The following INPP4B variants were observed in gnomAD, a reference collection of about 807,000 sequenced individuals.
INPP4B encodes the protein inositol polyphosphate 4-phosphatase type II.
Under a neutral mutation model 122.5 loss-of-function variants are expected in INPP4B, and 55 were observed. The observed-to-expected ratio is 0.45, with a 90% CI of 0.36 to 0.56. INPP4B has a LOEUF of 0.56. Ranked by LOEUF, INPP4B falls within the 20% of genes least tolerant of loss-of-function variation. The probability of loss-of-function intolerance (pLI) is 0.00; values close to 1 mark genes in which losing one functional copy is unlikely to be tolerated. For missense variants in INPP4B, 1,000 were observed against 1,097.7 expected (o/e 0.91, Z 1.26); for synonymous variants, 403 against 388.7 (o/e 1.04, Z -0.43).
chr4:142,048,940 G>T (rs1395641259), intron 25 of INPP4B, among the ~76,000 whole-genome samples: 2 of 151,808 alleles, frequency 1.3e-5, no homozygotes, highest in Non-Finnish European at 2.9e-5. Context: ...CACATCGAGG[G>T]GGAAGAAATG....
chr4:142,367,740 T>C (rs13144939), intron 7 of INPP4B, among the ~76,000 whole-genome samples: 45,360 of 152,094 alleles, frequency 0.3, 8,476 homozygotes, highest in South Asian at 0.46. Flanking sequence ...TTGAGAATTG[T>C]GCCAGGTTCA....
chr4:142,666,366 A>G (rs1453251274), intron 2 of INPP4B, among the ~76,000 whole-genome samples: 1 of 152,182 alleles, frequency 6.6e-6, no homozygotes, highest in Non-Finnish European at 1.5e-5. Context: ...AAGCTTAAAA[A>G]TACAAAGATA....
At chr4:142,098,413 C>A (rs1289424091) in intron 23 of INPP4B, among the ~76,000 whole-genome samples, 3 of 151,958 alleles carry the variant, frequency 2.0e-5, no homozygotes, top group Admixed American at 6.6e-5. Context: ...TTAGGAGACA[C>A]ATAATGAGAC....
chr4:142,052,705 G>A (rs1308680326), intron 25 of INPP4B, among the ~76,000 whole-genome samples: 1 of 151,964 alleles, frequency 6.6e-6, no homozygotes, highest in African/African-American at 2.4e-5. Flanking sequence ...ACAGTAGCAG[G>A]ACACACTGGG....
At chr4:142,794,194 A>C (rs909668975) in intron 1 of INPP4B, among the ~76,000 whole-genome samples, 2 of 152,050 alleles carry the variant, frequency 1.3e-5, no homozygotes, top group Non-Finnish European at 2.9e-5. Flanking sequence ...AAAGAAAAAC[A>C]AGGTAGGAGG....
chr4:142,042,574 T>G (rs911550018), intron 25 of INPP4B, among the ~76,000 whole-genome samples: 83 of 144,562 alleles, frequency 5.7e-4, no homozygotes, highest in Non-Finnish European at 7.8e-4. Context: ...ATTTATTTAT[T>G]TATTTTTAGA....
intron 25 of INPP4B, among the ~76,000 whole-genome samples, chr4:142,035,313 A>G (rs1161012078): frequency 1.3e-5 from 2 of 152,094 alleles, no homozygotes; most frequent in Admixed American, 6.6e-5. Context: ...GATCGTCCCA[A>G]CGTAGGTGCA....
At chr4:142,263,026 GGTCACTT>G (rs1740828562) in intron 10 of INPP4B, among the ~76,000 whole-genome samples, 2 of 152,100 alleles carry the variant, frequency 1.3e-5, no homozygotes, top group African/African-American at 4.8e-5. Context: ...CAGTCCCTTT[GGTCACTT>G]GTGCTACGCT....
At chr4:142,817,578 G>A (rs1187544365) in intron 1 of INPP4B, among the ~76,000 whole-genome samples, 1 of 152,098 alleles carries the variant, frequency 6.6e-6, no homozygotes, top group African/African-American at 2.4e-5. Context: ...TGACGATAAT[G>A]CCTTGGCCAC....
chr4:142,532,550 T>G (rs539629102), intron 2 of INPP4B, among the ~76,000 whole-genome samples: 4 of 152,170 alleles, frequency 2.6e-5, no homozygotes, highest in African/African-American at 9.6e-5. Context: ...GTGTGATTAT[T>G]TGAGTAATGG....
intron 11 of INPP4B, among the ~76,000 whole-genome samples, chr4:142,243,035 G>C (rs1001647950): frequency 6.6e-6 from 1 of 152,160 alleles, no homozygotes; most frequent in Non-Finnish European, 1.5e-5. Flanking sequence ...CCCATGAAGA[G>C]AGCAGGTACA....
intron 1 of INPP4B, among the ~76,000 whole-genome samples, chr4:142,741,859 G>A (rs924590385): frequency 2.0e-5 from 3 of 151,842 alleles, no homozygotes; most frequent in Non-Finnish European, 4.4e-5. Context: ...CCTAGGTCAT[G>A]GCAAGGGAAT....
intron 2 of INPP4B, among the ~76,000 whole-genome samples, chr4:142,650,930 A>T (rs1289176147): frequency 1.3e-5 from 2 of 152,206 alleles, no homozygotes; most frequent in East Asian, 3.9e-4. Flanking sequence ...TCTTCTCAGC[A>T]CCACATCACA....
chr4:142,628,097 A>G (rs1009832352), intron 2 of INPP4B, among the ~76,000 whole-genome samples: 9 of 151,786 alleles, frequency 5.9e-5, no homozygotes, highest in African/African-American at 2.2e-4. Flanking sequence ...TGCTGCTATA[A>G]AGACACATGC....
At chr4:142,054,362 G>A (rs1382034563) in intron 25 of INPP4B, among the ~76,000 whole-genome samples, 2 of 151,742 alleles carry the variant, frequency 1.3e-5, no homozygotes, top group Non-Finnish European at 2.9e-5. Context: ...GCTGCTGCAA[G>A]TTCAAGTTCA....
chr4:142,061,744 C>T (rs1286967581), intron 25 of INPP4B, among the ~76,000 whole-genome samples: 1 of 150,902 alleles, frequency 6.6e-6, no homozygotes, highest in East Asian at 1.9e-4. Flanking sequence ...AAGCAAAAAG[C>T]ATTTAAAGAA....
chr4:142,024,885 A>G lies in INPP4B; in HGVS notation c.*3897T>C, dbSNP rs1736552973. ...AAGAATTCTCTGGCAAAGCATTATCAGGAGAAAAGGTGATTTAATAATTTA... is the reference window on the plus strand; with the variant it reads ...AAGAATTCTCTGGCAAAGCATTATCGGGAGAAAAGGTGATTTAATAATTTA... On this transcript the variant is annotated 3_prime_UTR_variant, in exon 26 of 26. Coordinates refer to ENST00000262992, the MANE Select transcript of INPP4B (RefSeq NM_001101669.3). The G allele has an allele frequency of 6.6e-6, 1 of 152,188 alleles. No individual in the cohort carries two copies. Among genetic ancestry groups the G allele is most frequent in the East Asian group, 1.9e-4 (1 of 5,200 alleles). 9.4% of individuals were successfully genotyped at this position (152,188 alleles called of 1,614,324 possible).
At chr4:142,350,959 G>A (rs1253371183) in intron 7 of INPP4B, among the ~76,000 whole-genome samples, 2 of 151,960 alleles carry the variant, frequency 1.3e-5, no homozygotes, top group African/African-American at 2.4e-5. Flanking sequence ...GAAAAGCCTG[G>A]TGAAGAAAGA....
At chr4:142,061,925 T>C (rs879407356) in intron 25 of INPP4B, among the ~76,000 whole-genome samples, 1,466 of 38,430 alleles carry the variant, frequency 0.038, 37 homozygotes, top group Admixed American at 0.1. Flanking sequence ...TATATATATA[T>C]ATATATATAT....
Sources: allele counts gnomAD v4.1 joint callset (sites outside exome capture counted in the v4.1 genomes callset), GRCh38; gene constraint gnomAD v4.1.1; transcripts MANE v1.5; gene names NCBI Gene and HGNC (gene_info 2026-07-23, HGNC 2026-07-21).